Variants in EDNRB observed in about 807,000 individuals in gnomAD.
The protein encoded by EDNRB is endothelin receptor type B, also known as Hirschsprung disease 2.
Under a neutral mutation model 46.4 loss-of-function variants are expected in EDNRB, and 18 were observed. That is an observed-to-expected ratio of 0.39 (90% confidence interval 0.27 to 0.57). The LOEUF (loss-of-function observed/expected upper bound fraction) is 0.57, where lower values mean the gene tolerates loss of function less well. Ranked by LOEUF, EDNRB falls within the 20% of genes least tolerant of loss-of-function variation. The pLI is 0.61. For missense variants in EDNRB, 434 were observed against 537.5 expected, an observed-to-expected ratio of 0.81 and a Z score of 1.90; for synonymous variants, 213 against 204.9, an observed-to-expected ratio of 1.04 and a Z score of -0.34.
intron 1 of EDNRB, among the ~76,000 whole-genome samples, chr13:77,916,311 T>C (rs1879802545): frequency 6.6e-6 from 1 of 152,232 alleles, no homozygotes; most frequent in Non-Finnish European, 1.5e-5. Flanking sequence ...ATGAATTGAA[T>C]TGAAATTCCT....
chr13:77,905,395 A>G (rs990307805), intron 1 of EDNRB, among the ~76,000 whole-genome samples: 6 of 151,974 alleles, frequency 3.9e-5, no homozygotes, highest in Middle Eastern at 3.2e-3. Context: ...TTGTATTATC[A>G]AAATACATCT....
At chr13:77,944,402 A>G (rs546695510) in intron 1 of EDNRB, among the ~76,000 whole-genome samples, 1 of 152,140 alleles carries the variant, frequency 6.6e-6, no homozygotes, top group South Asian at 2.1e-4. Flanking sequence ...AATTGAATGA[A>G]CTTTAGTAAC....
chr13:77,932,084 G>T (rs923277526), intron 1 of EDNRB, among the ~76,000 whole-genome samples: 3 of 151,016 alleles, frequency 2.0e-5, no homozygotes, highest in Non-Finnish European at 4.4e-5. Context: ...AGCCAGTTGA[G>T]ACTAGGTTAG....
At chr13:77,929,567 A>G (rs1880329624) in intron 1 of EDNRB, among the ~76,000 whole-genome samples, 1 of 152,154 alleles carries the variant, frequency 6.6e-6, no homozygotes, top group South Asian at 2.1e-4. Flanking sequence ...CAGCTATCTT[A>G]GTTCTTCTGA....
Position 77,903,171 on chromosome 13 carries a change from C to A in EDNRB, c.786G>T (p.Lys262Asn). Residue 262 changes from lysine (K) to asparagine (N), a missense_variant, in exon 3 of 7, where the codon AAG becomes AAT. Coordinates refer to ENST00000646607, the MANE Select transcript of EDNRB (RefSeq NM_001122659.3). ...TGAAATTTACCTGCATGAAAGCTGT[C>A]TTCTGAACGGGATGAAGCAAGCAGA... ...LRICLLHPVQ[K>N]TAFMQFYKTA... The A allele has an allele frequency of 6.2e-7, 1 of 1,612,798 alleles. No individual in the cohort carries two copies. The highest frequency in any genetic ancestry group is 8.5e-7 in the Non-Finnish European group (1 of 1,179,210).
chr13:77,972,772 G>C (rs1329806563), intron 1 of EDNRB, among the ~76,000 whole-genome samples: 1 of 152,218 alleles, frequency 6.6e-6, no homozygotes, highest in Admixed American at 6.5e-5. Context: ...AATGAGGAAA[G>C]AAGAAAGAGT....
At chr13:77,903,421 A>T in intron 2 of EDNRB, 61 bp from the exon 3 acceptor site, 3 of 1,610,496 alleles carry the variant, frequency 1.9e-6, no homozygotes, top group Non-Finnish European at 2.5e-6. Flanking sequence ...TGAATTGCAC[A>T]GTTTATTTTC....
upstream of EDNRB, among the ~76,000 whole-genome samples, chr13:77,920,802 T>A (rs1375710183): frequency 1.3e-5 from 2 of 152,194 alleles, no homozygotes; most frequent in African/African-American, 2.4e-5. Context: ...CAATATACAA[T>A]GTTGTCTGAA....
chr13:77,919,799 A>C (rs1057243445), upstream of EDNRB: 4 of 596,896 alleles, frequency 6.7e-6, no homozygotes, highest in Non-Finnish European at 8.7e-6. Context: ...CTTCAAATGA[A>C]CCCAAATCAA....
chr13:77,917,214 C>T (rs1420910189), intron 1 of EDNRB, among the ~76,000 whole-genome samples: 1 of 152,172 alleles, frequency 6.6e-6, no homozygotes. Flanking sequence ...CCAGCTCCAC[C>T]TCTAATTCAT....
intron 1 of EDNRB, among the ~76,000 whole-genome samples, chr13:77,940,981 A>T (rs1461235261): frequency 1.3e-5 from 2 of 152,216 alleles, no homozygotes; most frequent in African/African-American, 4.8e-5. Context: ...GAATCCTAGA[A>T]ATTTTTGGAA....
At chr13:77,963,939 C>A (rs535795426) in intron 1 of EDNRB, among the ~76,000 whole-genome samples, 107 of 152,274 alleles carry the variant, frequency 7.0e-4, no homozygotes, top group African/African-American at 2.2e-3. Flanking sequence ...AAACAAACAA[C>A]CCCATCAAAA....
At chr13:77,969,358 G>A (rs552903610) in intron 1 of EDNRB, among the ~76,000 whole-genome samples, 11 of 152,256 alleles carry the variant, frequency 7.2e-5, no homozygotes, top group Admixed American at 5.9e-4. Flanking sequence ...AATAGAGTAA[G>A]GAAAGCAGCT....
chr13:77,951,261 T>TGTC, intron 1 of EDNRB, among the ~76,000 whole-genome samples: 1 of 152,302 alleles, frequency 6.6e-6, no homozygotes, highest in East Asian at 1.9e-4. Flanking sequence ...TTTTTTTTGT[T>TGTC]GTCGTTTTGT....
chr13:77,903,064 C>T (rs1370924169), intron 3 of EDNRB, 92 bp downstream of exon 3: 15 of 1,344,236 alleles, frequency 1.1e-5, no homozygotes, highest in South Asian at 3.6e-5. Flanking sequence ...AGTCATAAAT[C>T]AACAGTTTCC....
chr13:77,915,463 T>A (rs1879763575), intron 1 of EDNRB, among the ~76,000 whole-genome samples: 1 of 152,156 alleles, frequency 6.6e-6, no homozygotes, highest in Non-Finnish European at 1.5e-5. Flanking sequence ...CTTTGTGCAG[T>A]GGGATGGGGT....
At chr13:77,938,943 A>T (rs1253402180) in intron 1 of EDNRB, among the ~76,000 whole-genome samples, 1 of 152,204 alleles carries the variant, frequency 6.6e-6, no homozygotes, top group African/African-American at 2.4e-5. Context: ...TTGATCTCCC[A>T]AGGGAGGTCC....
At chr13:77,959,373 TGCTGTTCAGCAATATTC>T (rs1344889808) in intron 1 of EDNRB, among the ~76,000 whole-genome samples, 1 of 152,214 alleles carries the variant, frequency 6.6e-6, no homozygotes, top group Non-Finnish European at 1.5e-5. Flanking sequence ...CAGCAACATT[TGCTGTTCAGCAATATTC>T]GCTGTTCTGC....
intron 1 of EDNRB, among the ~76,000 whole-genome samples, chr13:77,935,431 T>C (rs1880533431): frequency 1.3e-5 from 2 of 152,190 alleles, no homozygotes; most frequent in Admixed American, 6.5e-5. Context: ...ATTTAGGATC[T>C]ATGGGGTCAG....
Sources: gnomAD v4.1 joint callset for allele counts (sites outside exome capture counted in the v4.1 genomes callset) on GRCh38, gnomAD v4.1.1 for gene constraint, MANE v1.5 for transcripts, NCBI Gene and HGNC (gene_info 2026-07-23, HGNC 2026-07-21) for gene names.